Variants in MYH11 observed in about 807,000 individuals in gnomAD.
MYH11 encodes the protein myosin heavy chain 11, also known as myosin-11.
In MYH11, 80 loss-of-function variants were observed where a neutral mutation model predicts 246.6. That is an observed-to-expected ratio of 0.32 (90% CI 0.27 to 0.39). The LOEUF (loss-of-function observed/expected upper bound fraction) is 0.39, where lower values mean the gene tolerates loss of function less well. Ranked by LOEUF, MYH11 falls within the 10% of genes least tolerant of loss-of-function variation. The pLI is 1.00. For synonymous variants in MYH11, 1,071 were observed against 1,015.5 expected (o/e 1.05, Z -1.04); for missense variants, 2,158 against 2,546.8 (o/e 0.85, Z 3.29).
intron 6 of MYH11, among the ~76,000 whole-genome samples, chr16:15,780,758 C>T (rs1483401986): frequency 6.6e-6 from 1 of 152,038 alleles, no homozygotes; most frequent in Non-Finnish European, 1.5e-5. Context: ...GCTGGGTTTA[C>T]AGGTGTGAGC....
At chr16:15,804,192 T>G (rs765391410) in intron 3 of MYH11, among the ~76,000 whole-genome samples, 6 of 152,182 alleles carry the variant, frequency 3.9e-5, no homozygotes, top group Non-Finnish European at 8.8e-5. Flanking sequence ...CTTTTTTCCT[T>G]CCATTGAGGT....
intron 40 of MYH11, chr16:15,713,212 G>T (rs2039919330): frequency 6.6e-6 from 1 of 152,056 alleles, no homozygotes; most frequent in African/African-American, 2.4e-5. Flanking sequence ...CAATGGAGGT[G>T]TTGGCCTCGG....
intron 2 of MYH11, among the ~76,000 whole-genome samples, 194 bp from the exon 3 acceptor site, chr16:15,823,605 T>C (rs1003925256): frequency 6.6e-6 from 1 of 152,066 alleles, no homozygotes; most frequent in Admixed American, 6.6e-5. Flanking sequence ...GCTGCCTATG[T>C]TTTATTTTGC....
At chr16:15,756,567 T>C (rs1255587708) in intron 13 of MYH11, 53 bp from the exon 14 acceptor site, 3 of 1,599,656 alleles carry the variant, frequency 1.9e-6, no homozygotes, top group African/African-American at 2.7e-5. Context: ...CCTCAGGCAT[T>C]CCATGAAGAG....
chr16:15,790,785 C>G lies in MYH11; in HGVS notation c.531-4053G>C, dbSNP rs895546448. On this transcript the variant is annotated intron_variant, in intron 4 of 40. Coordinates refer to ENST00000300036, the MANE Select transcript of MYH11 (RefSeq NM_002474.3). ...GCCAAGTCCTTTTAATCAGTCCAGC[C>G]CCAGCAGCTGGGAAGAACCACCCAA... 2.0e-5 allele frequency among the ~76,000 whole-genome samples: 3 copies of G among 152,044 alleles called. No homozygotes were observed. The South Asian group carries it at 6.2e-4, about 32-fold the overall frequency.
chr16:15,841,061 A>T (rs1393418507), intron 1 of MYH11, among the ~76,000 whole-genome samples: 1 of 152,202 alleles, frequency 6.6e-6, no homozygotes, highest in Non-Finnish European at 1.5e-5. Flanking sequence ...AATAAGAAAA[A>T]TAATTATATG....
intron 40 of MYH11, among the ~76,000 whole-genome samples, chr16:15,707,738 A>G (rs58842869): frequency 1.3e-5 from 2 of 152,172 alleles, no homozygotes; most frequent in Admixed American, 1.3e-4. Context: ...TGGGGAGGCC[A>G]AGGCGCGCGG....
intron 1 of MYH11, among the ~76,000 whole-genome samples, chr16:15,845,051 G>A (rs1316823205): frequency 6.6e-6 from 1 of 152,080 alleles, no homozygotes; most frequent in East Asian, 1.9e-4. Flanking sequence ...TAATTCAAAC[G>A]TGACTCTGCC....
chr16:15,768,135 C>T (rs1467037344), intron 9 of MYH11, among the ~76,000 whole-genome samples: 1 of 152,024 alleles, frequency 6.6e-6, no homozygotes, highest in African/African-American at 2.4e-5. Context: ...GAATAAATTC[C>T]TGTTGTTTTA....
intron 36 of MYH11, 48 bp from the exon 37 acceptor site, chr16:15,718,486 A>G: frequency 6.5e-7 from 1 of 1,536,526 alleles, no homozygotes; most frequent in South Asian, 1.2e-5. Flanking sequence ...CCCCCGCCTT[A>G]AAAGATGCCC....
chr16:15,719,820 A>T, intron 34 of MYH11, 107 bp from the exon 35 acceptor site: 1 of 1,491,086 alleles, frequency 6.7e-7, no homozygotes, highest in Admixed American at 1.7e-5. Context: ...GCAGTTGACC[A>T]CAAAGAAGTT....
intron 37 of MYH11, chr16:15,717,985 C>T (rs2040255137): frequency 2.4e-6 from 1 of 424,128 alleles, no homozygotes; most frequent in Non-Finnish European, 4.4e-6. Context: ...ACCAAGGGCT[C>T]ACTGGATAAG....
At chr16:15,799,157 C>A (rs2042823417) in intron 3 of MYH11, among the ~76,000 whole-genome samples, 1 of 152,172 alleles carries the variant, frequency 6.6e-6, no homozygotes, top group Admixed American at 6.5e-5. Flanking sequence ...ATCCAGCATC[C>A]ATTTCCTCTT....
At chr16:15,843,800 T>A (rs1026681161) in intron 1 of MYH11, among the ~76,000 whole-genome samples, 6 of 152,116 alleles carry the variant, frequency 3.9e-5, no homozygotes, top group Non-Finnish European at 8.8e-5. Flanking sequence ...GGCTCACATT[T>A]CCTGGTGCAT....
In MYH11 at chr16:15,727,059, C is replaced by T. The variant is rs1208868468; in HGVS notation, c.3652-5G>A. ...CTTGTCTAGGTTCGCCTTGGCCTGG[C>T]GAAGGAAGCAGAGGGGAGGGATAAC... On this transcript the variant is annotated splice_region_variant and splice_polypyrimidine_tract_variant and intron_variant, in intron 27 of 40. Coordinates refer to ENST00000300036, the MANE Select transcript of MYH11 (RefSeq NM_002474.3). 6.8e-6 allele frequency: 11 copies of T among 1,612,814 alleles called. No individual in the cohort carries two copies. Among genetic ancestry groups the T allele is most frequent in the Middle Eastern group, 1.6e-4 (1 of 6,084 alleles).
At chr16:15,754,504 A>T (rs192893520) in intron 14 of MYH11, among the ~76,000 whole-genome samples, 9 of 152,336 alleles carry the variant, frequency 5.9e-5, no homozygotes, top group East Asian at 5.8e-4. Flanking sequence ...ATAATAATAA[A>T]AAAAATCCAC....
At chr16:15,739,237 C>G (rs1018635666) in intron 23 of MYH11, among the ~76,000 whole-genome samples, 1 of 151,608 alleles carries the variant, frequency 6.6e-6, no homozygotes, top group African/African-American at 2.4e-5. Flanking sequence ...GTAGCTGGGA[C>G]TACAGGCGCC....
chr16:15,733,999 T>A (rs1381763613), intron 26 of MYH11, among the ~76,000 whole-genome samples: 2 of 152,234 alleles, frequency 1.3e-5, no homozygotes, highest in Non-Finnish European at 2.9e-5. Context: ...CTATGATACA[T>A]GCTATGCCAA....
rs758525514 is a variant in MYH11 at position 15,760,633 on chromosome 16, C to G, written c.1155G>C (p.Met385Ile). ...TGGTGAAATCTGTCACATTAATTCC[C>G]ATGAGGTGGCAAACTTTCTGAGCAG... is the stretch of plus-strand genomic sequence containing the variant. ...NTAAQKVCHLMGINVTDFTRS... is the reference protein window; with the variant it reads ...NTAAQKVCHLIGINVTDFTRS... Residue 385 changes from methionine (M) to isoleucine (I), a missense_variant, in exon 11 of 41, where the codon ATG becomes ATC. Physicochemically the swap from Met to Ile is conservative, Grantham distance 10 (BLOSUM62 1). Transcript: ENST00000300036. 1.2e-6 allele frequency: 2 copies of G among 1,613,714 alleles called. No individual in the cohort carries two copies. Among genetic ancestry groups the G allele is most frequent in the South Asian group, 2.2e-5 (2 of 91,066 alleles).
Sources: gnomAD v4.1 joint callset for allele counts (sites outside exome capture counted in the v4.1 genomes callset) on GRCh38, gnomAD v4.1.1 for gene constraint, MANE v1.5 for transcripts, NCBI Gene and HGNC (gene_info 2026-07-23, HGNC 2026-07-21) for gene names.